The following GLIS3 variants were observed in gnomAD, a reference collection of about 807,000 sequenced individuals.
The protein encoded by GLIS3 is zinc finger protein GLIS3.
A neutral mutation model predicts 78.6 loss-of-function variants in GLIS3; 53 were observed. The observed-to-expected ratio is 0.67, with a 90% CI of 0.54 to 0.85. GLIS3 has a LOEUF of 0.85. Ranked by LOEUF, GLIS3 falls within the 40% of genes least tolerant of loss-of-function variation. The pLI is 0.00. For synonymous variants in GLIS3, 684 were observed against 509.9 expected, an observed-to-expected ratio of 1.34 and a Z score of -4.60; for missense variants, 1,703 against 1,231.1, an observed-to-expected ratio of 1.38 and a Z score of -5.74.
chr9:3,829,455 G>C lies in GLIS3; in HGVS notation c.2511C>G (p.His837Gln), dbSNP rs1230780859. 6.2e-7 allele frequency: 1 copy of C among 1,614,164 alleles called. No individual in the cohort carries two copies. The highest frequency in any genetic ancestry group is 1.7e-5 in the Admixed American group (1 of 60,034). The change falls in exon 10 of 11, where the codon CAC becomes CAG. Residue 837 changes from histidine (H) to glutamine (Q), a missense_variant. Physicochemically the swap from His to Gln is conservative, Grantham distance 24. Transcript: ENST00000381971. The part of the protein sequence containing the change: ...YGQLQKFCPP[H>Q]YPDSQRIVPP... Reference sequence around the variant, plus strand: ...GCACAATTCTCTGGGAATCGGGGTAGTGTGGGGGACAGAACTTCTGCAGCT... The same window carrying C: ...GCACAATTCTCTGGGAATCGGGGTACTGTGGGGGACAGAACTTCTGCAGCT...
chr9:4,096,712 T>C (rs1353217564), intron 4 of GLIS3, among the ~76,000 whole-genome samples: 1 of 151,946 alleles, frequency 6.6e-6, no homozygotes. Flanking sequence ...GAGAACAGCT[T>C]ATAAACTAAA....
rs138181038 is a variant in GLIS3 at position 4,019,491 on chromosome 9, A to C, written c.1711-82302T>G. On this transcript the variant is annotated intron_variant, in intron 4 of 10. Coordinates refer to ENST00000381971, the MANE Select transcript of GLIS3 (RefSeq NM_001042413.2). ...AGCAAATATGTATTGAGTGCCTACT[A>C]TGTGCCACTTGCACTGTCAGTGAAC... Among the ~76,000 whole-genome samples the C allele has an allele frequency of 3.0e-3, 455 of 152,274 alleles. 2 individuals carry two copies. Among genetic ancestry groups the C allele is most frequent in the Middle Eastern group, 0.024 (7 of 294 alleles).
At chr9:4,259,894 T>C (rs1243543923) in intron 2 of GLIS3, among the ~76,000 whole-genome samples, 1 of 152,230 alleles carries the variant, frequency 6.6e-6, no homozygotes, top group Non-Finnish European at 1.5e-5. Flanking sequence ...GAAAATGTGT[T>C]TTCAGGATTT....
At chr9:4,326,758 T>A (rs1040937117) in intron 2 of GLIS3, among the ~76,000 whole-genome samples, 32 of 151,922 alleles carry the variant, frequency 2.1e-4, no homozygotes, top group African/African-American at 6.8e-4. Context: ...ACAAAAAAAA[T>A]GAGAGAGAAT....
chr9:4,445,340 G>A, the GLIS3 span, among the ~76,000 whole-genome samples: 14 of 152,224 alleles, frequency 9.2e-5, no homozygotes, highest in East Asian at 1.9e-4. Context: ...AAATAAATTC[G>A]TCCAGGCCAG....
chr9:4,015,453 C>A (rs1041965176), intron 4 of GLIS3, among the ~76,000 whole-genome samples: 1 of 152,216 alleles, frequency 6.6e-6, no homozygotes, highest in South Asian at 2.1e-4. Flanking sequence ...ATGCACAGAA[C>A]TATGTCTACC....
At chr9:4,119,918 A>G (rs1303414800) in intron 3 of GLIS3, among the ~76,000 whole-genome samples, 3 of 152,240 alleles carry the variant, frequency 2.0e-5, no homozygotes, top group Non-Finnish European at 4.4e-5. Flanking sequence ...TTGAGAAGAA[A>G]AGATACGTCC....
chr9:3,856,512 C>G (rs887703528), intron 8 of GLIS3, among the ~76,000 whole-genome samples: 1 of 152,154 alleles, frequency 6.6e-6, no homozygotes, highest in African/African-American at 2.4e-5. Flanking sequence ...TTGCCAAGCC[C>G]TTTTTCTGCT....
At chr9:4,323,138 C>A (rs1331468102) in intron 2 of GLIS3, among the ~76,000 whole-genome samples, 1 of 152,100 alleles carries the variant, frequency 6.6e-6, no homozygotes, top group Non-Finnish European at 1.5e-5. Flanking sequence ...ATATGGCTAG[C>A]CAGTTTTCCC....
At chr9:4,306,087 G>T (rs1254301677) in intron 4 of GLIS3, 3 of 151,916 alleles carry the variant, frequency 2.0e-5, no homozygotes, top group African/African-American at 7.3e-5. Flanking sequence ...GTTGTTTTTT[G>T]TTTTTGTTTC....
chr9:4,355,080 G>A, the GLIS3 span, among the ~76,000 whole-genome samples: 4 of 149,772 alleles, frequency 2.7e-5, no homozygotes, highest in East Asian at 2.0e-4. Context: ...GCAGTGAGCC[G>A]AGATCACACC....
intron 4 of GLIS3, among the ~76,000 whole-genome samples, chr9:3,967,766 C>T (rs1307619754): frequency 6.6e-6 from 1 of 152,120 alleles, no homozygotes; most frequent in Non-Finnish European, 1.5e-5. Flanking sequence ...ATAATATGAT[C>T]CCATTTTCTG....
chr9:4,028,954 G>T (rs1464539601), intron 4 of GLIS3, among the ~76,000 whole-genome samples: 3 of 152,072 alleles, frequency 2.0e-5, no homozygotes, highest in Non-Finnish European at 2.9e-5. Flanking sequence ...ACATTCAGGT[G>T]GTAAGATACA....
chr9:4,418,598 C>G, the GLIS3 span, among the ~76,000 whole-genome samples: 1 of 151,960 alleles, frequency 6.6e-6, no homozygotes, highest in Non-Finnish European at 1.5e-5. Flanking sequence ...ACTCAGGAGG[C>G]TGAGGCAGGA....
the GLIS3 span, among the ~76,000 whole-genome samples, chr9:4,475,534 C>T: frequency 1.3e-5 from 2 of 152,176 alleles, no homozygotes; most frequent in Admixed American, 1.3e-4. Context: ...ACTATGGATA[C>T]ACCCACACAG....
At chr9:3,876,645 AG>A in intron 8 of GLIS3, among the ~76,000 whole-genome samples, 1 of 6,916 alleles carries the variant, frequency 1.4e-4, no homozygotes, top group South Asian at 5.7e-3. Flanking sequence ...AGAGAGAGAG[AG>A]AGAGAGAGAG....
chr9:4,194,528 A>T (rs1818623815), intron 2 of GLIS3, among the ~76,000 whole-genome samples: 1 of 152,244 alleles, frequency 6.6e-6, no homozygotes, highest in South Asian at 2.1e-4. Flanking sequence ...AGAGGATTTC[A>T]GCATGCCTCA....
At chr9:4,054,415 G>T in intron 4 of GLIS3, 2 of 985,406 alleles carry the variant, frequency 2.0e-6, no homozygotes, top group Non-Finnish European at 2.4e-6. Context: ...GAATTTAACG[G>T]TTGGTTACAA....
the GLIS3 span, among the ~76,000 whole-genome samples, chr9:4,442,995 G>T: frequency 2.6e-5 from 4 of 152,144 alleles, no homozygotes; most frequent in Non-Finnish European, 5.9e-5. Context: ...TGCTGGTCAA[G>T]CTGTCGAGTC....
Sources: allele counts gnomAD v4.1 joint callset (sites outside exome capture counted in the v4.1 genomes callset), GRCh38; gene constraint gnomAD v4.1.1; transcripts MANE v1.5; gene names NCBI Gene and HGNC (gene_info 2026-07-23, HGNC 2026-07-21).